FAXC: variants seen among roughly 807,000 people sequenced by gnomAD.
FAXC encodes the protein failed axon connections homolog, metaxin like GST domain containing, also known as failed axon connections homolog.
A neutral mutation model predicts 41.9 loss-of-function variants in FAXC; 10 were observed. That is an observed-to-expected ratio of 0.24 (90% CI 0.15 to 0.41). The LOEUF (loss-of-function observed/expected upper bound fraction) is 0.41. FAXC is among the 10% of genes least tolerant of loss of function. The probability of loss-of-function intolerance (pLI) is 1.00; values close to 1 mark genes in which losing one functional copy is unlikely to be tolerated. For synonymous variants in FAXC, 183 were observed against 183.8 expected, an observed-to-expected ratio of 1.00 and a Z score of 0.03; for missense variants, 399 against 510.9, an observed-to-expected ratio of 0.78 and a Z score of 2.11.
Position 99,342,967 on chromosome 6 carries a change from A to G in FAXC, c.333T>C (p.Gly111=), listed in dbSNP as rs765572231. 1.1e-5 allele frequency: 17 copies of G among 1,612,454 alleles called. No individual in the cohort carries two copies. In the Middle Eastern group the frequency reaches 4.9e-4, roughly 47 times the overall value. Residue 111 remains glycine, a synonymous_variant, in exon 2 of 6, where the codon GGT becomes GGC. Coordinates refer to ENST00000389677, the MANE Select transcript of FAXC (RefSeq NM_032511.4). ...ILHQFARPNN[G]VPSLSPFCLK... Reference sequence around the variant, plus strand: ...AACAGAAAGGAGATAAACTTGGAACACCATTGTTAGGTCTTGCAAACTGAT... The same window carrying G: ...AACAGAAAGGAGATAAACTTGGAACGCCATTGTTAGGTCTTGCAAACTGAT...
chr6:99,347,856 A>C (rs1773656014), intron 1 of FAXC, among the ~76,000 whole-genome samples: 1 of 152,370 alleles, frequency 6.6e-6, no homozygotes, highest in Admixed American at 6.5e-5. Flanking sequence ...ATTCTCTTTA[A>C]ATTTTTTTGT....
At chr6:99,324,197 T>TAAA (rs11374266) in intron 3 of FAXC, among the ~76,000 whole-genome samples, 1 of 148,226 alleles carries the variant, frequency 6.7e-6, no homozygotes, top group Non-Finnish European at 1.5e-5. Context: ...ATAAAAGAGT[T>TAAA]AAAAAAAAAA....
chr6:99,316,157 G>GCCCCCCCC (rs71021722), intron 4 of FAXC, among the ~76,000 whole-genome samples: 7 of 146,374 alleles, frequency 4.8e-5, no homozygotes, highest in East Asian at 2.2e-4. Flanking sequence ...TAACCCACTC[G>GCCCCCCCC]CCCCCCCCCA....
At chr6:99,349,062 G>A (rs1410500825) in intron 1 of FAXC, 45 bp downstream of exon 1, 1 of 1,589,186 alleles carries the variant, frequency 6.3e-7, no homozygotes, top group South Asian at 1.1e-5. Context: ...CCCTAGCCAG[G>A]TGCCCCTCTC....
intron 1 of FAXC, among the ~76,000 whole-genome samples, chr6:99,345,098 T>C (rs1352707379): frequency 1.3e-5 from 2 of 152,180 alleles, no homozygotes; most frequent in Non-Finnish European, 2.9e-5. Context: ...CTAAGGAACA[T>C]CAATTTAAGA....
At chr6:99,323,997 T>C (rs1018567543) in intron 3 of FAXC, among the ~76,000 whole-genome samples, 9 of 151,996 alleles carry the variant, frequency 5.9e-5, no homozygotes, top group Admixed American at 5.9e-4. Context: ...AGAAACCCAC[T>C]GGAAAAGTCT....
Position 99,315,414 on chromosome 6 carries a change from A to C in FAXC, c.823+8030T>G, listed in dbSNP as rs1444149110. On this transcript the variant is annotated intron_variant, in intron 4 of 5. Coordinates refer to ENST00000389677, the MANE Select transcript of FAXC (RefSeq NM_032511.4). ...AAGTGCTGAGATTTTATAAATGTTT[A>C]CCTGCAATATCTCCCTCAGGTGGCA... Among the ~76,000 whole-genome samples the C allele has an allele frequency of 2.0e-5, 3 of 152,156 alleles. No individual in the cohort carries two copies. In the East Asian group the frequency reaches 5.8e-4, roughly 29 times the overall value.
intron 4 of FAXC, among the ~76,000 whole-genome samples, chr6:99,296,413 A>G (rs1771500221): frequency 6.6e-6 from 1 of 152,130 alleles, no homozygotes; most frequent in South Asian, 2.1e-4. Context: ...GATGGACAGA[A>G]GCAGCTGAGG....
At chr6:99,302,224 A>G (rs1055116417) in intron 4 of FAXC, among the ~76,000 whole-genome samples, 23 of 152,216 alleles carry the variant, frequency 1.5e-4, no homozygotes, top group African/African-American at 5.5e-4. Flanking sequence ...AGATCAGTTC[A>G]CCTCAGAGCT....
chr6:99,312,294 T>C (rs1243701192), intron 4 of FAXC, among the ~76,000 whole-genome samples: 2 of 152,184 alleles, frequency 1.3e-5, no homozygotes, highest in African/African-American at 4.8e-5. Context: ...ACAGGTTTGC[T>C]GGGAACACTC....
In FAXC at chr6:99,333,198, T is replaced by A. The variant is rs553568985; in HGVS notation, c.599+153A>T. ...CCCCTGGTCTAGGTAACCAGAAACTTCACAGTCATAATAACTTTGATGACT... is the reference window on the plus strand; with the variant it reads ...CCCCTGGTCTAGGTAACCAGAAACTACACAGTCATAATAACTTTGATGACT... On this transcript the variant is annotated intron_variant, in intron 3 of 5. Transcript: ENST00000389677. Among the ~76,000 whole-genome samples the A allele has an allele frequency of 2.2e-4, 34 of 152,288 alleles. 1 individual carries two copies. Among genetic ancestry groups the A allele is most frequent in the Admixed American group, 1.8e-3 (27 of 15,300 alleles).
chr6:99,330,529 C>T (rs9376089), intron 3 of FAXC, among the ~76,000 whole-genome samples: 7,446 of 152,222 alleles, frequency 0.049, 546 homozygotes, highest in East Asian at 0.39. Flanking sequence ...TTGAATAGAC[C>T]TAAAACAGTT....
At chr6:99,303,170 G>C (rs1771778747) in intron 4 of FAXC, among the ~76,000 whole-genome samples, 1 of 152,104 alleles carries the variant, frequency 6.6e-6, no homozygotes, top group African/African-American at 2.4e-5. Context: ...GGACCTATTT[G>C]GTACCTATAT....
intron 4 of FAXC, among the ~76,000 whole-genome samples, chr6:99,301,678 C>T (rs1771711261): frequency 6.6e-6 from 1 of 152,110 alleles, no homozygotes; most frequent in Admixed American, 6.5e-5. Context: ...ATCAGAATGG[C>T]TAATAATAAT....
At chr6:99,295,213 A>T (rs1457543699) in intron 4 of FAXC, among the ~76,000 whole-genome samples, 1 of 152,268 alleles carries the variant, frequency 6.6e-6, no homozygotes, top group African/African-American at 2.4e-5. Context: ...ATCTAAAATT[A>T]TATATGTGTA....
At chr6:99,307,587 G>C (rs1212053205) in intron 4 of FAXC, among the ~76,000 whole-genome samples, 1 of 152,160 alleles carries the variant, frequency 6.6e-6, no homozygotes, top group Non-Finnish European at 1.5e-5. Context: ...ATCAAGGGTG[G>C]GGTGTTGCGG....
chr6:99,284,891 G>A, intron 5 of FAXC, among the ~76,000 whole-genome samples: 1 of 150,730 alleles, frequency 6.6e-6, no homozygotes, highest in Non-Finnish European at 1.5e-5. Context: ...TCCAGCCTGG[G>A]AGATAAGAGT....
Position 99,333,551 on chromosome 6 carries a change from A to G in FAXC, c.403-4T>C, listed in dbSNP as rs1167938924. ...AGAGTTTTCCACCAAAATAGTTCTA[A>G]GCAGAGTACATTTTTAAAAAGAGAA... On this transcript the variant is annotated splice_region_variant and splice_polypyrimidine_tract_variant and intron_variant, in intron 2 of 5. Coordinates refer to ENST00000389677, the MANE Select transcript of FAXC (RefSeq NM_032511.4). 6.3e-7 allele frequency: 1 copy of G among 1,582,994 alleles called. No homozygotes were observed. Among genetic ancestry groups the G allele is most frequent in the Non-Finnish European group, 8.6e-7 (1 of 1,168,372 alleles).
In FAXC at chr6:99,275,684, G is replaced by A. The variant is rs917799540; in HGVS notation, c.*5480C>T. ...CTCTGTAATCATCTCTAACTGGCAA[G>A]GCTAACGTTGCTGGTTCCAGCAGTC... On this transcript the variant is annotated 3_prime_UTR_variant, in exon 6 of 6. Coordinates refer to ENST00000389677, the MANE Select transcript of FAXC (RefSeq NM_032511.4). The A allele has an allele frequency of 1.3e-5, 2 of 152,118 alleles. No individual in the cohort carries two copies. The highest frequency in any genetic ancestry group is 4.8e-5 in the African/African-American group (2 of 41,426). The allele number at this position is 152,118 out of a possible 1,614,324, so 9.4% of individuals were successfully genotyped here.
Sources: gnomAD v4.1 joint callset for allele counts (sites outside exome capture counted in the v4.1 genomes callset) on GRCh38, gnomAD v4.1.1 for gene constraint, MANE v1.5 for transcripts, NCBI Gene and HGNC (gene_info 2026-07-23, HGNC 2026-07-21) for gene names.